Variants in SHANK2 observed in about 807,000 individuals in gnomAD.
SHANK2 encodes the protein SH3 and multiple ankyrin repeat domains protein 2.
In SHANK2, 43 loss-of-function variants were observed where a neutral mutation model predicts 133.7. That is an observed-to-expected ratio of 0.32 (90% CI 0.25 to 0.41). The LOEUF (loss-of-function observed/expected upper bound fraction) is 0.41, where lower values mean the gene tolerates loss of function less well. Among genes scored for constraint, SHANK2 ranks in the 10% least tolerant of loss-of-function variants. The pLI is 1.00. For missense variants in SHANK2, 1,994 were observed against 2,235.8 expected (o/e 0.89, Z 2.18); for synonymous variants, 1,017 against 952.8 (o/e 1.07, Z -1.24).
intron 17 of SHANK2, among the ~76,000 whole-genome samples, chr11:70,543,670 C>T (rs1274746968): frequency 6.6e-6 from 1 of 152,228 alleles, no homozygotes; most frequent in African/African-American, 2.4e-5. Context: ...AACGTATTTC[C>T]CTCCATTCTG....
intron 2 of SHANK2, among the ~76,000 whole-genome samples, chr11:71,216,465 T>C (rs1379775267): frequency 6.6e-6 from 1 of 152,024 alleles, no homozygotes; most frequent in Non-Finnish European, 1.5e-5. Flanking sequence ...CCGGAGGTGA[T>C]TGGTTAGAGG....
intron 10 of SHANK2, among the ~76,000 whole-genome samples, chr11:70,929,085 C>G (rs1211136973): frequency 6.6e-6 from 1 of 152,234 alleles, no homozygotes; most frequent in African/African-American, 2.4e-5. Flanking sequence ...GAGAACAATG[C>G]GCCCAAGGGC....
chr11:70,688,401 ACACCTAATTTCGTG>A (rs1161693793), intron 15 of SHANK2, among the ~76,000 whole-genome samples: 1 of 152,124 alleles, frequency 6.6e-6, no homozygotes, highest in African/African-American at 2.4e-5. Context: ...AGGTCGGAGC[ACACCTAATTTCGTG>A]CACCTAATTT....
intron 1 of SHANK2, among the ~76,000 whole-genome samples, chr11:71,236,106 T>A (rs184150496): frequency 1.3e-5 from 2 of 152,148 alleles, no homozygotes; most frequent in African/African-American, 4.8e-5. Context: ...AGGACCGGAC[T>A]GAGGGTGATG....
At chr11:71,220,309 C>T (rs1954509565) in intron 2 of SHANK2, among the ~76,000 whole-genome samples, 1 of 152,288 alleles carries the variant, frequency 6.6e-6, no homozygotes, top group South Asian at 2.1e-4. Context: ...AAATTGGAAC[C>T]TTTGAGCCTT....
Position 70,830,682 on chromosome 11 carries a change from C to T in SHANK2, c.1175-10000G>A, listed in dbSNP as rs1948713511. Reference sequence around the variant, plus strand: ...AGATGAAACTTAAAAACCCATTTTCCCTGGAGGCTTCCAGAGATCTTCTTC... The same window carrying T: ...AGATGAAACTTAAAAACCCATTTTCTCTGGAGGCTTCCAGAGATCTTCTTC... On this transcript the variant is annotated intron_variant, in intron 11 of 25. Coordinates refer to ENST00000601538, the MANE Select transcript of SHANK2 (RefSeq NM_012309.5). The surrounding 1 kb of genome is among the most constrained non-coding windows in gnomAD (Gnocchi z 4.4). 6.6e-6 allele frequency among the ~76,000 whole-genome samples: 1 copy of T among 152,204 alleles called. No homozygotes were observed. The highest frequency in any genetic ancestry group is 1.5e-5 in the Non-Finnish European group (1 of 68,044).
intron 25 of SHANK2, among the ~76,000 whole-genome samples, chr11:70,478,534 TA>T (rs2058693081): frequency 2.6e-5 from 4 of 152,238 alleles, no homozygotes; most frequent in Admixed American, 2.0e-4. Context: ...TTTCCATCTT[TA>T]CAGCCTCCTG....
chr11:70,797,428 G>C (rs1166939213), intron 14 of SHANK2, among the ~76,000 whole-genome samples: 1 of 152,188 alleles, frequency 6.6e-6, no homozygotes, highest in Admixed American at 6.5e-5. Flanking sequence ...GCTGATGCAC[G>C]AACTGAGTCC....
intron 17 of SHANK2, among the ~76,000 whole-genome samples, chr11:70,611,245 CT>C (rs1454173925): frequency 2.0e-5 from 3 of 152,236 alleles, no homozygotes; most frequent in Admixed American, 6.5e-5. Context: ...TTGGCAGAAG[CT>C]CACAAAGGGG....
chr11:70,527,415 C>T (rs969569894), intron 17 of SHANK2, among the ~76,000 whole-genome samples: 43 of 152,206 alleles, frequency 2.8e-4, no homozygotes, highest in African/African-American at 9.9e-4. Context: ...CCCCGCTTCC[C>T]AGTGGGCCCT....
At chr11:70,942,044 G>T (rs868906769) in intron 10 of SHANK2, among the ~76,000 whole-genome samples, 1 of 151,914 alleles carries the variant, frequency 6.6e-6, no homozygotes, top group Admixed American at 6.6e-5. Flanking sequence ...AAAATTAGCC[G>T]GGTGTGGTGG....
intron 15 of SHANK2, among the ~76,000 whole-genome samples, chr11:70,662,441 C>A (rs1266394184): frequency 1.3e-5 from 2 of 152,120 alleles, no homozygotes; most frequent in Non-Finnish European, 2.9e-5. Context: ...GCGGCTGGGG[C>A]TCTCTCTGCA....
At chr11:70,753,184 A>C (rs1282269828) in intron 14 of SHANK2, among the ~76,000 whole-genome samples, 6 of 151,808 alleles carry the variant, frequency 4.0e-5, no homozygotes, top group South Asian at 2.1e-4. Flanking sequence ...AAAAAAAAAA[A>C]AACAAAAAAC....
intron 22 of SHANK2, 116 bp from the exon 23 acceptor site, chr11:70,490,503 G>A (rs1349752122): frequency 2.3e-6 from 2 of 871,904 alleles, no homozygotes; most frequent in Non-Finnish European, 3.8e-6. Context: ...AGCTGCTTCT[G>A]GAGCCACCTA....
At chr11:71,086,087 TATATTAA>T (rs1951403093) in intron 8 of SHANK2, among the ~76,000 whole-genome samples, 1 of 27,762 alleles carries the variant, frequency 3.6e-5, no homozygotes, top group East Asian at 1.3e-3. Flanking sequence ...TGTTATATAA[TATATTAA>T]ATTATATAAT....
chr11:71,167,365 G>A (rs1953175353), intron 2 of SHANK2, among the ~76,000 whole-genome samples: 1 of 151,710 alleles, frequency 6.6e-6, no homozygotes, highest in South Asian at 2.1e-4. Flanking sequence ...GGGCGGCCGG[G>A]CAGAGGCGCC....
intron 17 of SHANK2, among the ~76,000 whole-genome samples, chr11:70,631,409 C>CA (rs1555002114): frequency 1.0e-3 from 104 of 103,998 alleles, no homozygotes; most frequent in South Asian, 1.3e-3. Context: ...CACACACACA[C>CA]CCACACAACC....
intron 3 of SHANK2, among the ~76,000 whole-genome samples, chr11:71,137,987 G>C (rs1420308232): frequency 6.7e-6 from 1 of 149,142 alleles, no homozygotes; most frequent in Non-Finnish European, 1.5e-5. Flanking sequence ...CACACACACA[G>C]CAAAGCACCC....
At chr11:71,211,896 C>T (rs1954291323) in intron 2 of SHANK2, among the ~76,000 whole-genome samples, 1 of 152,140 alleles carries the variant, frequency 6.6e-6, no homozygotes, top group South Asian at 2.1e-4. Flanking sequence ...AAGTTGCATG[C>T]CTGAATCACT....
Sources: allele counts gnomAD v4.1 joint callset (sites outside exome capture counted in the v4.1 genomes callset), GRCh38; gene constraint gnomAD v4.1.1; non-coding constraint Gnocchi (gnomAD v3.1); transcripts MANE v1.5; gene names NCBI Gene and HGNC (gene_info 2026-07-23, HGNC 2026-07-21).